KIF6: variants seen among roughly 807,000 people sequenced by gnomAD.
The protein encoded by KIF6 is kinesin-like protein KIF6.
A neutral mutation model predicts 112.7 loss-of-function variants in KIF6; 106 were observed. The observed-to-expected ratio is 0.94, with a 90% CI of 0.80 to 1.11. The LOEUF (loss-of-function observed/expected upper bound fraction) is 1.11. KIF6 is among the 50% of genes least tolerant of loss of function. The pLI is 0.00. For missense variants in KIF6, 929 were observed against 964.0 expected (o/e 0.96, Z 0.48); for synonymous variants, 339 against 339.9 (o/e 1.00, Z 0.03).
rs1162497697 is a variant in KIF6 at position 39,677,681 on chromosome 6, C to G, written c.251+37011G>C. Among the ~76,000 whole-genome samples, 67 of 109,896 alleles carry G rather than the reference C, an allele frequency of 6.1e-4. 1 individual carries two copies. The highest frequency in any genetic ancestry group is 2.1e-3 in the African/African-American group (59 of 27,556). The allele number at this position is 109,896 out of a possible 152,430, so 72.1% of individuals were successfully genotyped here. On this transcript the variant is annotated intron_variant, in intron 3 of 22. Transcript: ENST00000287152. ...ATATCTCCCAATGCTATCCCTCCCCCCTCCCCCGACCCCACCACAGTCCCC... is the reference window on the plus strand; with the variant it reads ...ATATCTCCCAATGCTATCCCTCCCCGCTCCCCCGACCCCACCACAGTCCCC...
intron 13 of KIF6, among the ~76,000 whole-genome samples, chr6:39,449,348 C>T (rs1217998043): frequency 1.3e-5 from 2 of 152,240 alleles, no homozygotes; most frequent in Non-Finnish European, 2.9e-5. Context: ...CCTCCCTCTT[C>T]ATGCCACACC....
At chr6:39,535,505 A>G (rs1778366028) in intron 13 of KIF6, among the ~76,000 whole-genome samples, 1 of 152,248 alleles carries the variant, frequency 6.6e-6, no homozygotes. Flanking sequence ...TTCAACAAGA[A>G]GAGCTAACTA....
At chr6:39,705,734 C>G (rs192640579) in intron 3 of KIF6, among the ~76,000 whole-genome samples, 1 of 152,306 alleles carries the variant, frequency 6.6e-6, no homozygotes, top group African/African-American at 2.4e-5. Context: ...TTCTTTGCCC[C>G]TTGGGTGGGA....
intron 3 of KIF6, among the ~76,000 whole-genome samples, chr6:39,696,129 AG>A (rs930614180): frequency 6.6e-6 from 1 of 152,156 alleles, no homozygotes; most frequent in Non-Finnish European, 1.5e-5. Flanking sequence ...GATTCCAAAA[AG>A]GGGGAGTGGA....
chr6:39,422,397 C>T (rs773976198), intron 14 of KIF6, among the ~76,000 whole-genome samples: 130 of 152,248 alleles, frequency 8.5e-4, no homozygotes, highest in Admixed American at 9.8e-4. Context: ...TGGAAAGCCA[C>T]GAGCTGTTCC....
chr6:39,530,861 AT>A (rs1778015263), intron 13 of KIF6, among the ~76,000 whole-genome samples: 1 of 152,170 alleles, frequency 6.6e-6, no homozygotes, highest in African/African-American at 2.4e-5. Flanking sequence ...ATTTTTTTGT[AT>A]TTGGTTTAGT....
At chr6:39,349,593 T>TG (rs753127579) in intron 19 of KIF6, among the ~76,000 whole-genome samples, 4 of 148,902 alleles carry the variant, frequency 2.7e-5, no homozygotes, top group Admixed American at 1.3e-4. Flanking sequence ...AAAAGGCACT[T>TG]GCCATGGAGT....
chr6:39,724,842 A>G (rs1790444036), intron 1 of KIF6, among the ~76,000 whole-genome samples: 1 of 152,204 alleles, frequency 6.6e-6, no homozygotes, highest in East Asian at 1.9e-4. Context: ...CCGAGTGCCA[A>G]AATGTACCTT....
intron 5 of KIF6, among the ~76,000 whole-genome samples, chr6:39,632,283 G>A (rs1784394470): frequency 6.6e-6 from 1 of 151,944 alleles, no homozygotes; most frequent in South Asian, 2.1e-4. Context: ...TGTTACTGAT[G>A]GCTATTATTG....
chr6:39,356,946 T>C (rs2150250150), intron 19 of KIF6, among the ~76,000 whole-genome samples: 1 of 152,214 alleles, frequency 6.6e-6, no homozygotes, highest in East Asian at 1.9e-4. Context: ...CCAAACCCCC[T>C]TCTCCCATGC....
chr6:39,632,646 T>C (rs1440312430), intron 5 of KIF6, among the ~76,000 whole-genome samples: 1 of 152,070 alleles, frequency 6.6e-6, no homozygotes, highest in Non-Finnish European at 1.5e-5. Flanking sequence ...AAGGCAAACT[T>C]GTCTAAGGCC....
intron 3 of KIF6, among the ~76,000 whole-genome samples, chr6:39,664,982 T>A (rs1390553828): frequency 6.6e-6 from 1 of 152,220 alleles, no homozygotes; most frequent in African/African-American, 2.4e-5. Flanking sequence ...AACATATTTT[T>A]ACAAGTGTAA....
chr6:39,601,969 A>C (rs1782600849), intron 6 of KIF6, among the ~76,000 whole-genome samples: 1 of 152,146 alleles, frequency 6.6e-6, no homozygotes, highest in African/African-American at 2.4e-5. Context: ...GGTATTCTAC[A>C]ATTGACTTCA....
chr6:39,641,096 T>C, intron 3 of KIF6, among the ~76,000 whole-genome samples: 1 of 152,194 alleles, frequency 6.6e-6, no homozygotes, highest in East Asian at 1.9e-4. Flanking sequence ...CAGAATCTTT[T>C]TCCTCAACAG....
chr6:39,646,513 G>A (rs1017958346), intron 3 of KIF6, among the ~76,000 whole-genome samples: 2 of 152,276 alleles, frequency 1.3e-5, no homozygotes, highest in African/African-American at 2.4e-5. Context: ...TGAGAGGGGA[G>A]GGGCAGGTGA....
intron 13 of KIF6, among the ~76,000 whole-genome samples, chr6:39,533,554 T>A (rs1027548783): frequency 2.6e-5 from 4 of 152,244 alleles, no homozygotes; most frequent in African/African-American, 4.8e-5. Context: ...GAGGCCTGCC[T>A]GCCTCTGTAG....
chr6:39,346,134 T>TCC (rs1763775591), intron 20 of KIF6, among the ~76,000 whole-genome samples: 1 of 76,666 alleles, frequency 1.3e-5, no homozygotes, highest in Admixed American at 1.6e-4. Context: ...TCCCTCTCCC[T>TCC]CTCTCTCTCT....
At chr6:39,601,426 T>C (rs1396750063) in intron 6 of KIF6, among the ~76,000 whole-genome samples, 1 of 152,108 alleles carries the variant, frequency 6.6e-6, no homozygotes, top group Non-Finnish European at 1.5e-5. Flanking sequence ...CCTATCTACA[T>C]CACTGAATTA....
intron 13 of KIF6, among the ~76,000 whole-genome samples, chr6:39,460,783 A>G (rs1199556650): frequency 6.6e-6 from 1 of 152,184 alleles, no homozygotes; most frequent in African/African-American, 2.4e-5. Context: ...TCTTATAGAA[A>G]GTGCAAACTC....
Sources: gnomAD v4.1 joint callset for allele counts (sites outside exome capture counted in the v4.1 genomes callset) on GRCh38, gnomAD v4.1.1 for gene constraint, MANE v1.5 for transcripts, NCBI Gene and HGNC (gene_info 2026-07-23, HGNC 2026-07-21) for gene names.